FOXP4: variants seen among roughly 807,000 people sequenced by gnomAD.
FOXP4 encodes forkhead box protein P4.
Under a neutral mutation model 82.6 loss-of-function variants are expected in FOXP4, and 25 were observed. The observed-to-expected ratio is 0.30, with a 90% CI of 0.22 to 0.42. The LOEUF (loss-of-function observed/expected upper bound fraction) is 0.42. Among genes scored for constraint, FOXP4 ranks in the 10% least tolerant of loss-of-function variants. The pLI is 1.00. For missense variants in FOXP4, 785 were observed against 900.9 expected (o/e 0.87, Z 1.65); for synonymous variants, 415 against 388.2 (o/e 1.07, Z -0.81).
rs537693304 is a variant in FOXP4 at position 41,559,688 on chromosome 6, T to C, written c.-16-6057T>C. 2.6e-5 allele frequency among the ~76,000 whole-genome samples: 4 copies of C among 152,300 alleles called. No individual in the cohort carries two copies. In the East Asian group the frequency reaches 7.7e-4, roughly 29 times the overall value. On this transcript the variant is annotated intron_variant, in intron 1 of 16. Coordinates refer to ENST00000307972, the MANE Select transcript of FOXP4 (RefSeq NM_001012426.2). ...GTGCTTAGCTTAATGGGGCCCTAAA[T>C]ACATGTTGAATGATTGAATGGCTTT...
At chr6:41,584,917 T>A (rs761157934) in intron 4 of FOXP4, 26 bp downstream of exon 4, 4 of 1,589,790 alleles carry the variant, frequency 2.5e-6, no homozygotes, top group South Asian at 1.1e-5. Context: ...GGGCAGCTGG[T>A]CCCTCCTCCT....
intron 5 of FOXP4, among the ~76,000 whole-genome samples, chr6:41,586,797 C>T (rs1561797011): frequency 6.6e-6 from 1 of 151,588 alleles, no homozygotes; most frequent in Non-Finnish European, 1.5e-5. Flanking sequence ...TGCGCGCGTG[C>T]GTGCGTGCGT....
At chr6:41,554,836 G>C (rs1764187059) in intron 1 of FOXP4, among the ~76,000 whole-genome samples, 1 of 151,896 alleles carries the variant, frequency 6.6e-6, no homozygotes, top group Non-Finnish European at 1.5e-5. Context: ...CTCTAGCCTG[G>C]GCGACAGAAT....
intron 1 of FOXP4, among the ~76,000 whole-genome samples, chr6:41,563,605 A>G (rs1335602366): frequency 2.0e-5 from 3 of 152,146 alleles, no homozygotes; most frequent in South Asian, 2.1e-4. Context: ...TCTCTGTGCA[A>G]TCTGGGCCAA....
intron 1 of FOXP4, among the ~76,000 whole-genome samples, chr6:41,560,444 A>G (rs907411173): frequency 3.3e-5 from 5 of 152,186 alleles, no homozygotes; most frequent in African/African-American, 1.2e-4. Flanking sequence ...TCCAACCGCC[A>G]CCATTGCTCT....
At chr6:41,550,439 T>G (rs1201479525) in intron 1 of FOXP4, among the ~76,000 whole-genome samples, 2 of 152,038 alleles carry the variant, frequency 1.3e-5, no homozygotes, top group African/African-American at 4.8e-5. Flanking sequence ...AATACTGAAG[T>G]ATTAATCTTC....
At chr6:41,594,570 C>G (rs1266033760) in intron 13 of FOXP4, among the ~76,000 whole-genome samples, 5 of 152,224 alleles carry the variant, frequency 3.3e-5, no homozygotes, top group Admixed American at 2.0e-4. Context: ...CAGATTATTA[C>G]TAACTGGATA....
chr6:41,546,985 C>G (rs1763664109), intron 1 of FOXP4, 118 bp downstream of exon 1: 1 of 151,464 alleles, frequency 6.6e-6, no homozygotes, highest in African/African-American at 2.4e-5. Flanking sequence ...TGCAAACTGC[C>G]CGCCCGAGAC....
chr6:41,569,606 G>A (rs7761231), intron 2 of FOXP4, among the ~76,000 whole-genome samples: 26,022 of 152,116 alleles, frequency 0.17, 2,714 homozygotes, highest in African/African-American at 0.29. Context: ...GTCTGGGTGC[G>A]CTGGCCAAGT....
At chr6:41,589,902 C>G in intron 10 of FOXP4, 48 bp downstream of exon 10, 1 of 1,611,020 alleles carries the variant, frequency 6.2e-7, no homozygotes. Context: ...TCCACAGACC[C>G]TGGAGCCTCG....
chr6:41,549,734 GGGGGAGGGTGGA>G lies in FOXP4; in HGVS notation c.-17+2874_-17+2885del, dbSNP rs1342971291. 2.8e-4 allele frequency among the ~76,000 whole-genome samples: 41 copies of G among 146,720 alleles called. 1 individual carries two copies. The highest frequency in any genetic ancestry group is 2.0e-3 in the Admixed American group (30 of 14,758). On this transcript the variant is annotated intron_variant, in intron 1 of 16. Transcript: ENST00000307972. ...AGGAGAGACAGATATCACATGGTGGGGGGGAGGGTGGAGGGGAGAAGAATGGGAACAGGGTGT... is the reference window on the plus strand; with the variant it reads ...AGGAGAGACAGATATCACATGGTGGGGGGGAGAAGAATGGGAACAGGGTGT...
intron 1 of FOXP4, among the ~76,000 whole-genome samples, chr6:41,553,403 G>A (rs993369286): frequency 6.6e-5 from 10 of 152,122 alleles, no homozygotes; most frequent in Non-Finnish European, 1.5e-4. Flanking sequence ...TCACACCAGG[G>A]CAGCCTTCTC....
intron 1 of FOXP4, among the ~76,000 whole-genome samples, chr6:41,547,751 G>C (rs967221690): frequency 6.6e-6 from 1 of 151,788 alleles, no homozygotes; most frequent in Non-Finnish European, 1.5e-5. Context: ...GGCCACCAGG[G>C]AAGGAGCCCG....
chr6:41,587,504 G>T lies in FOXP4; in HGVS notation c.864G>T (p.Arg288=). 1.3e-6 allele frequency: 2 copies of T among 1,521,064 alleles called. No homozygotes were observed. The highest frequency in any genetic ancestry group is 1.4e-5 in the African/African-American group (1 of 72,096). The allele number at this position is 1,521,064 out of a possible 1,614,324, so 94.2% of individuals were successfully genotyped here. ...PNGQPTVLTS[R]RDSSSHEETP... ...GACAGCCTACTGTGCTCACATCTCG[G>T]AGAGACAGGTACAGGGGTCCAGGCT... Residue 288 remains arginine (R), a synonymous_variant, in exon 7 of 17, where the codon CGG becomes CGT. Transcript: ENST00000307972.
intron 1 of FOXP4, among the ~76,000 whole-genome samples, chr6:41,559,960 G>C (rs9381080): frequency 0.35 from 53,146 of 152,012 alleles, 9,898 homozygotes; most frequent in African/African-American, 0.48. Context: ...CTGATTTAAC[G>C]TTGTGGTCCG....
chr6:41,577,223 G>A (rs549976367), intron 2 of FOXP4, among the ~76,000 whole-genome samples: 38 of 152,238 alleles, frequency 2.5e-4, no homozygotes, highest in African/African-American at 8.4e-4. Context: ...CCCACAGCAC[G>A]ATGGTCCATG....
chr6:41,598,084 C>A, intron 16 of FOXP4, 134 bp downstream of exon 16: 1 of 707,682 alleles, frequency 1.4e-6, no homozygotes, highest in Non-Finnish European at 2.2e-6. Context: ...TGGCTTCTCT[C>A]TTCCTTCCCT....
intron 1 of FOXP4, among the ~76,000 whole-genome samples, chr6:41,559,883 G>C (rs1443137213): frequency 6.6e-6 from 1 of 152,120 alleles, no homozygotes; most frequent in African/African-American, 2.4e-5. Flanking sequence ...ACTTCTGTTG[G>C]GGCCCAGTAA....
intron 9 of FOXP4, 57 bp from the exon 10 acceptor site, chr6:41,589,714 A>T: frequency 3.9e-6 from 6 of 1,556,348 alleles, no homozygotes; most frequent in Non-Finnish European, 3.5e-6. Flanking sequence ...GGGGTGGGAC[A>T]ACACTGCCTC....
Sources: allele counts gnomAD v4.1 joint callset (sites outside exome capture counted in the v4.1 genomes callset), GRCh38; gene constraint gnomAD v4.1.1; transcripts MANE v1.5; gene names NCBI Gene and HGNC (gene_info 2026-07-23, HGNC 2026-07-21).